The following LSM12 variants were observed in gnomAD, a reference collection of about 807,000 sequenced individuals.
LSM12 encodes the protein LSM12 homolog.
For synonymous variants in LSM12, 74 were observed against 87.3 expected (o/e 0.85, Z 0.85); for missense variants, 108 against 238.9 (o/e 0.45, Z 3.61).
intron 1 of LSM12, among the ~76,000 whole-genome samples, chr17:44,065,439 T>TAAA (rs35086714): frequency 1.8e-5 from 2 of 113,580 alleles, no homozygotes. Flanking sequence ...GACTCCATCT[T>TAAA]AAAAAAAAAA....
At position 44,063,660 on chromosome 17, in the gene LSM12, C is replaced by A. The variant is rs564242120; in HGVS notation, c.258+141G>T. ...GGAATAAAGAGAAAAACTAAACCTA[C>A]ATTTTTTAAAAAGATATCAGAACAA... On this transcript the variant is annotated intron_variant, in intron 2 of 4. Transcript: ENST00000293406. The A allele has an allele frequency of 7.1e-5, 72 of 1,020,452 alleles. No individual in the cohort carries two copies. The South Asian group carries it at 2.0e-3, about 29-fold the overall frequency. The allele number at this position is 1,020,452 out of a possible 1,614,324, so 63.2% of individuals were successfully genotyped here.
chr17:44,040,322 C>A, intron 2 of LSM12, 66 bp from the exon 3 acceptor site: 1 of 1,242,990 alleles, frequency 8.0e-7, no homozygotes, highest in Non-Finnish European at 1.2e-6. Context: ...ACAGTCAGGA[C>A]CTAAGCTGAA....
chr17:44,063,998 G>A, intron 1 of LSM12, 64 bp from the exon 2 acceptor site: 3 of 1,569,830 alleles, frequency 1.9e-6, no homozygotes, highest in Non-Finnish European at 2.6e-6. Flanking sequence ...CATCCCAAAA[G>A]GGGCATAGAA....
intron 2 of LSM12, 73 bp downstream of exon 2, chr17:44,063,728 T>C: frequency 1.4e-6 from 2 of 1,427,410 alleles, no homozygotes; most frequent in South Asian, 3.3e-5. Flanking sequence ...TAGACAACAA[T>C]GTATCACTAA....
rs538606251 is a variant in LSM12, at chr17:44,037,660, C to G, written c.369-122G>C. 1.4e-5 allele frequency: 17 copies of G among 1,223,066 alleles called. 1 individual carries two copies. In the African/African-American group the frequency reaches 2.3e-4, roughly 17 times the overall value. 75.8% of individuals were successfully genotyped at this position (1,223,066 alleles called of 1,614,324 possible). ...TCCCAGCTCACCACTCAGCCAACAA[C>G]TAGATGCCAGCAGCCCATATAGTAG... On this transcript the variant is annotated intron_variant, in intron 3 of 4. Transcript: ENST00000293406.
intron 2 of LSM12, among the ~76,000 whole-genome samples, chr17:44,049,206 C>A (rs1373910417): frequency 2.0e-5 from 3 of 152,104 alleles, no homozygotes; most frequent in African/African-American, 7.2e-5. Flanking sequence ...ACAACAACAA[C>A]AACAAAAACA....
chr17:44,049,849 G>A (rs949272738), intron 2 of LSM12, among the ~76,000 whole-genome samples: 3 of 152,140 alleles, frequency 2.0e-5, no homozygotes, highest in African/African-American at 7.2e-5. Context: ...AGCCTGCTGG[G>A]TGTGACCTAC....
chr17:44,058,191 C>A (rs922689004), intron 2 of LSM12, among the ~76,000 whole-genome samples: 18 of 150,748 alleles, frequency 1.2e-4, no homozygotes, highest in African/African-American at 4.1e-4. Flanking sequence ...GAGCCGAGAT[C>A]GCGCCACTGC....
chr17:44,065,741 G>A (rs190563309), intron 1 of LSM12, among the ~76,000 whole-genome samples: 207 of 152,148 alleles, frequency 1.4e-3, no homozygotes, highest in African/African-American at 5.0e-3. Context: ...TCTTTCACCT[G>A]TAACTCACAC....
intron 2 of LSM12, among the ~76,000 whole-genome samples, chr17:44,052,812 C>T (rs550167389): frequency 1.0e-4 from 15 of 149,556 alleles, no homozygotes; most frequent in South Asian, 2.1e-4. Flanking sequence ...TTTATATAAA[C>T]GTATATTTTT....
intron 2 of LSM12, among the ~76,000 whole-genome samples, chr17:44,062,615 G>A (rs1464017740): frequency 1.3e-5 from 2 of 152,122 alleles, no homozygotes; most frequent in African/African-American, 4.8e-5. Flanking sequence ...GGCCGGGCAT[G>A]GTGGCTGACA....
chr17:44,046,756 TTTC>T (rs1277251288), intron 2 of LSM12, among the ~76,000 whole-genome samples: 1 of 118,410 alleles, frequency 8.4e-6, no homozygotes, highest in Non-Finnish European at 1.7e-5. Context: ...TCTTTTTTTT[TTTC>T]TTTTTTTTTT....
intron 2 of LSM12, among the ~76,000 whole-genome samples, chr17:44,060,145 A>G (rs915304608): frequency 1.3e-5 from 2 of 152,228 alleles, no homozygotes; most frequent in Admixed American, 1.3e-4. Context: ...AGCCTGGGCG[A>G]CAGAGCAAGA....
At chr17:44,045,036 C>CTT (rs576605668) in intron 2 of LSM12, among the ~76,000 whole-genome samples, 18 of 151,352 alleles carry the variant, frequency 1.2e-4, no homozygotes, top group African/African-American at 4.4e-4. Flanking sequence ...AAATCTATTT[C>CTT]TTTTTTTTTG....
intron 3 of LSM12, among the ~76,000 whole-genome samples, chr17:44,038,760 A>G (rs1055419614): frequency 3.2e-4 from 48 of 152,344 alleles, no homozygotes; most frequent in African/African-American, 8.4e-4. Flanking sequence ...CTCAATTATC[A>G]GACAGTTGGG....
intron 2 of LSM12, among the ~76,000 whole-genome samples, chr17:44,050,199 A>G (rs937941893): frequency 1.3e-5 from 2 of 151,816 alleles, no homozygotes; most frequent in African/African-American, 4.8e-5. Context: ...TCCTGGGTTC[A>G]AGCGATTCTC....
intron 2 of LSM12, among the ~76,000 whole-genome samples, chr17:44,045,015 A>C (rs2049542647): frequency 6.6e-6 from 1 of 152,090 alleles, no homozygotes; most frequent in African/African-American, 2.4e-5. Flanking sequence ...GGCCACCAAG[A>C]TTACTTTTTA....
At chr17:44,039,361 A>T (rs1301522854) in intron 3 of LSM12, among the ~76,000 whole-genome samples, 44 of 114,972 alleles carry the variant, frequency 3.8e-4, no homozygotes, top group Non-Finnish European at 5.9e-4. Flanking sequence ...GACCAACAAA[A>T]TGTCTTTTTT....
chr17:44,045,848 C>T (rs1414304802), intron 2 of LSM12, among the ~76,000 whole-genome samples: 1 of 151,976 alleles, frequency 6.6e-6, no homozygotes, highest in African/African-American at 2.4e-5. Context: ...GCTGGGATTA[C>T]AGGCATGAGC....
Sources: gnomAD v4.1 joint callset for allele counts (sites outside exome capture counted in the v4.1 genomes callset) on GRCh38, gnomAD v4.1.1 for gene constraint, MANE v1.5 for transcripts, NCBI Gene and HGNC (gene_info 2026-07-23, HGNC 2026-07-21) for gene names.